Variants in GRB14 observed in about 807,000 individuals in gnomAD.
GRB14 encodes the protein growth factor receptor-bound protein 14.
A neutral mutation model predicts 69.1 loss-of-function variants in GRB14; 38 were observed. That is an observed-to-expected ratio of 0.55 (90% CI 0.42 to 0.72). GRB14 has a LOEUF of 0.72. Among genes scored for constraint, GRB14 ranks in the 30% least tolerant of loss-of-function variants. The pLI is 0.00. For synonymous variants in GRB14, 247 were observed against 241.3 expected (o/e 1.02, Z -0.22); for missense variants, 666 against 666.1 (o/e 1.00, Z 0.00).
intron 2 of GRB14, among the ~76,000 whole-genome samples, chr2:164,603,507 T>C (rs751001719): frequency 1.3e-4 from 19 of 151,726 alleles, no homozygotes; most frequent in Non-Finnish European, 2.1e-4. Context: ...CTGCTAAAAA[T>C]ACAAAAATTA....
chr2:164,601,065 T>G (rs1310959907), intron 2 of GRB14, among the ~76,000 whole-genome samples: 1 of 152,174 alleles, frequency 6.6e-6, no homozygotes, highest in African/African-American at 2.4e-5. Flanking sequence ...GCAGAATTTT[T>G]ACTGACTTAA....
intron 3 of GRB14, among the ~76,000 whole-genome samples, chr2:164,531,714 G>C (rs1687943273): frequency 6.6e-6 from 1 of 152,150 alleles, no homozygotes; most frequent in South Asian, 2.1e-4. Flanking sequence ...GAGGGAACTA[G>C]ATGGTAACTG....
chr2:164,536,933 C>T (rs1378708694), intron 3 of GRB14, among the ~76,000 whole-genome samples: 1 of 152,166 alleles, frequency 6.6e-6, no homozygotes, highest in Non-Finnish European at 1.5e-5. Flanking sequence ...CTCTTAGTGC[C>T]TCCTGCAGCT....
At chr2:164,508,983 A>G (rs1687268948) in intron 6 of GRB14, 131 bp from the exon 7 acceptor site, 1 of 451,174 alleles carries the variant, frequency 2.2e-6, no homozygotes. Flanking sequence ...ACAAAAATAA[A>G]AGGAGAAAAA....
In GRB14 at chr2:164,508,524, G is replaced by A; in HGVS notation, c.954C>T (p.Asp318=). Reference sequence around the variant, plus strand: ...CTTCTTCTGCACAGAGCATTTTCAGGTCTCGGGGCCCTCCCGCTTTGTTAG... The same window carrying A: ...CTTCTTCTGCACAGAGCATTTTCAGATCTCGGGGCCCTCCCGCTTTGTTAG... ...FKPNKAGGPR[D]LKMLCAEEEQ... Residue 318 remains aspartate, a synonymous_variant, in exon 8 of 14, where the codon GAC becomes GAT. Transcript: ENST00000263915. 1 of 1,613,990 alleles carries A rather than the reference G, an allele frequency of 6.2e-7. No individual in the cohort carries two copies. The highest frequency in any genetic ancestry group is 8.5e-7 in the Non-Finnish European group (1 of 1,179,976).
intron 2 of GRB14, among the ~76,000 whole-genome samples, chr2:164,581,099 T>C (rs572270929): frequency 6.6e-6 from 1 of 152,214 alleles, no homozygotes; most frequent in Non-Finnish European, 1.5e-5. Flanking sequence ...CTATGACATA[T>C]ACAAACCACC....
At chr2:164,510,818 C>A (rs1340298206) in intron 6 of GRB14, among the ~76,000 whole-genome samples, 2 of 152,188 alleles carry the variant, frequency 1.3e-5, no homozygotes, top group African/African-American at 4.8e-5. Context: ...CATCAGCAGT[C>A]CCTGCAGTAC....
intron 2 of GRB14, among the ~76,000 whole-genome samples, chr2:164,608,918 G>T (rs534564278): frequency 2.0e-5 from 3 of 152,204 alleles, no homozygotes; most frequent in East Asian, 3.9e-4. Context: ...AATAGGATGG[G>T]AATTGACTGG....
intron 2 of GRB14, among the ~76,000 whole-genome samples, chr2:164,549,362 A>C (rs568461005): frequency 6.6e-6 from 1 of 152,328 alleles, no homozygotes; most frequent in South Asian, 2.1e-4. Flanking sequence ...AGCAAAGATT[A>C]ATCAGTTATA....
intron 2 of GRB14, among the ~76,000 whole-genome samples, chr2:164,584,292 A>T (rs1042404321): frequency 2.0e-5 from 3 of 150,672 alleles, no homozygotes; most frequent in African/African-American, 7.3e-5. Context: ...GGCGTGAACC[A>T]CCGCACCAGG....
At chr2:164,603,213 T>G (rs981221679) in intron 2 of GRB14, among the ~76,000 whole-genome samples, 1 of 151,386 alleles carries the variant, frequency 6.6e-6, no homozygotes, top group African/African-American at 2.4e-5. Flanking sequence ...ACTTAATACA[T>G]GATGAAAAAA....
chr2:164,537,799 T>C (rs1688117085), intron 3 of GRB14, among the ~76,000 whole-genome samples: 1 of 152,154 alleles, frequency 6.6e-6, no homozygotes. Flanking sequence ...CAGGACACCA[T>C]GTCTCCTGAA....
intron 3 of GRB14, among the ~76,000 whole-genome samples, chr2:164,535,924 T>C (rs1688069971): frequency 6.6e-6 from 1 of 152,200 alleles, no homozygotes; most frequent in Admixed American, 6.5e-5. Context: ...TTGGAACTTA[T>C]ATTCAGAGGC....
chr2:164,545,018 A>G (rs1288903447), intron 3 of GRB14, among the ~76,000 whole-genome samples: 7 of 152,212 alleles, frequency 4.6e-5, no homozygotes, highest in Admixed American at 3.9e-4. Context: ...AGAACCTTTC[A>G]TTGGCACATT....
rs1224275950 is a variant in GRB14 at position 164,531,392 on chromosome 2, C to CTTGT, written c.482-4261_482-4258dup. Among the ~76,000 whole-genome samples the CTTGT allele has an allele frequency of 3.9e-5, 6 of 152,274 alleles. No individual in the cohort carries two copies. In the South Asian group the frequency reaches 1.2e-3, roughly 32 times the overall value. ...CAATTTCAAGATATCAACAAAGATG[C>CTTGT]TTGTTTGTTTGTTTGCTTTGCCAAC... On this transcript the variant is annotated intron_variant, in intron 3 of 13. Transcript: ENST00000263915.
rs1689217683 is a variant in GRB14 at position 164,574,929 on chromosome 2, CA to C, written c.325-27114del. ...TGGGGAACAGAGGGAGACCCTATCT[CA>C]AAATGAAGAAAAAAAAAAAAAACTC... On this transcript the variant is annotated intron_variant, in intron 2 of 13. Transcript: ENST00000263915. 3.4e-5 allele frequency among the ~76,000 whole-genome samples: 5 copies of C among 145,578 alleles called. No homozygotes were observed. In the East Asian group the frequency reaches 1.0e-3, roughly 30 times the overall value.
chr2:164,540,145 C>T (rs1574287443), intron 3 of GRB14, among the ~76,000 whole-genome samples: 1 of 152,280 alleles, frequency 6.6e-6, no homozygotes, highest in East Asian at 1.9e-4. Flanking sequence ...GGTGCAATGG[C>T]CCCTAGGCTG....
At chr2:164,519,374 C>T (rs190301018) in intron 6 of GRB14, among the ~76,000 whole-genome samples, 2 of 152,186 alleles carry the variant, frequency 1.3e-5, no homozygotes, top group East Asian at 3.9e-4. Flanking sequence ...TAATCGAAGC[C>T]ATCTATGGCA....
chr2:164,606,012 C>T (rs553762572), intron 2 of GRB14, among the ~76,000 whole-genome samples: 47 of 152,184 alleles, frequency 3.1e-4, no homozygotes, highest in African/African-American at 8.4e-4. Flanking sequence ...ATATCTGAGG[C>T]GTATAATTTG....
Sources: allele counts gnomAD v4.1 joint callset (sites outside exome capture counted in the v4.1 genomes callset), GRCh38; gene constraint gnomAD v4.1.1; transcripts MANE v1.5; gene names NCBI Gene and HGNC (gene_info 2026-07-23, HGNC 2026-07-21).